The following ANOS1 variants were observed in gnomAD, a reference collection of about 807,000 sequenced individuals.
The protein encoded by ANOS1 is anosmin-1.
ANOS1 carries 6 observed loss-of-function variants against 59.0 expected under a neutral mutation model. The ratio of observed to expected loss-of-function variants is 0.10; its 90% CI spans 0.06 to 0.20. The LOEUF is 0.20. ANOS1 is among the 10% of genes least tolerant of loss of function. The pLI is 1.00. For missense variants in ANOS1, 433 were observed against 542.3 expected (o/e 0.80, Z 2.00); for synonymous variants, 217 against 223.4 (o/e 0.97, Z 0.25).
At chrX:8,652,187 A>C in intron 2 of ANOS1, among the ~76,000 whole-genome samples, 1 of 110,982 alleles carries the variant, frequency 9.0e-6, no homozygotes, top group Admixed American at 9.6e-5. Context: ...GGTCACTAAC[A>C]CCTGGCTTCA....
intron 13 of ANOS1, among the ~76,000 whole-genome samples, chrX:8,534,024 G>C: frequency 9.3e-6 from 1 of 107,626 alleles, no homozygotes; most frequent in Admixed American, 1.0e-4. Flanking sequence ...GAGGGAGGGA[G>C]AGAGGATGGA....
intron 13 of ANOS1, among the ~76,000 whole-genome samples, chrX:8,534,033 G>T (rs1319555599): frequency 1.8e-5 from 2 of 108,201 alleles, no homozygotes; most frequent in Non-Finnish European, 3.8e-5. Flanking sequence ...AGAGAGGATG[G>T]AGAAAGGAAA....
intron 3 of ANOS1, among the ~76,000 whole-genome samples, chrX:8,613,424 C>T (rs184876167): frequency 9.1e-6 from 1 of 110,138 alleles, no homozygotes; most frequent in East Asian, 2.9e-4. Context: ...TGGGGTCTGA[C>T]TTTGTTGTCC....
At chrX:8,555,387 A>T (rs746260317) in intron 8 of ANOS1, among the ~76,000 whole-genome samples, 14 of 111,377 alleles carry the variant, frequency 1.3e-4, no homozygotes, top group African/African-American at 4.6e-4. Flanking sequence ...ATCAGAGGAG[A>T]ACTGAAGGAG....
At chrX:8,587,409 A>C (rs1485346318) in intron 5 of ANOS1, among the ~76,000 whole-genome samples, 2 of 111,856 alleles carry the variant, frequency 1.8e-5, no homozygotes, top group African/African-American at 6.5e-5. Flanking sequence ...TAAATGCAGG[A>C]GAAACAGAAG....
At chrX:8,566,967 A>G (rs1457179882) in intron 8 of ANOS1, among the ~76,000 whole-genome samples, 1 of 111,605 alleles carries the variant, frequency 9.0e-6, no homozygotes, top group Non-Finnish European at 1.9e-5. Flanking sequence ...GTCCTGATCA[A>G]AGGCAGCTAT....
chrX:8,634,636 A>G (rs1931544165), intron 2 of ANOS1, among the ~76,000 whole-genome samples: 1 of 112,146 alleles, frequency 8.9e-6, no homozygotes. Context: ...ATTTAGATGA[A>G]AAGTATATGG....
At chrX:8,551,043 C>A (rs984680411) in intron 9 of ANOS1, among the ~76,000 whole-genome samples, 1 of 111,399 alleles carries the variant, frequency 9.0e-6, no homozygotes. Context: ...CCTGGACATG[C>A]TCTTTTGCCT....
chrX:8,624,929 G>T (rs1447164159), intron 2 of ANOS1, among the ~76,000 whole-genome samples: 1 of 109,620 alleles, frequency 9.1e-6, no homozygotes, highest in Non-Finnish European at 1.9e-5. Context: ...CCGACAAAGT[G>T]AAACCCCGTC....
intron 12 of ANOS1, among the ~76,000 whole-genome samples, chrX:8,534,688 T>C (rs993965095): frequency 9.0e-6 from 1 of 111,543 alleles, no homozygotes; most frequent in African/African-American, 3.3e-5. Flanking sequence ...CCTAAGACAC[T>C]TGGCAGAGTT....
chrX:8,673,166 T>C (rs2146881651), intron 2 of ANOS1, among the ~76,000 whole-genome samples: 1 of 110,996 alleles, frequency 9.0e-6, no homozygotes, highest in Admixed American at 9.7e-5. Flanking sequence ...TTTAACATTG[T>C]TAATGTGTCA....
At chrX:8,679,742 C>T (rs1932391458) in intron 2 of ANOS1, among the ~76,000 whole-genome samples, 1 of 111,035 alleles carries the variant, frequency 9.0e-6, no homozygotes, top group African/African-American at 3.3e-5. Context: ...ATATACTTAA[C>T]ACTACTTAAC....
At chrX:8,724,178 T>C (rs951850774) in intron 1 of ANOS1, among the ~76,000 whole-genome samples, 1 of 112,400 alleles carries the variant, frequency 8.9e-6, no homozygotes, top group African/African-American at 3.2e-5. Flanking sequence ...TTTTTACTTA[T>C]TCTACCTACT....
chrX:8,718,038 G>T (rs1932851721), intron 1 of ANOS1, among the ~76,000 whole-genome samples: 1 of 109,369 alleles, frequency 9.1e-6, no homozygotes, highest in African/African-American at 3.3e-5. Flanking sequence ...CTCCAGCCTG[G>T]GTGACAGAGT....
At chrX:8,590,072 AT>A (rs1277621618) in intron 4 of ANOS1, among the ~76,000 whole-genome samples, 1 of 110,488 alleles carries the variant, frequency 9.1e-6, no homozygotes, top group Non-Finnish European at 1.9e-5. Context: ...CTGTCCCCTT[AT>A]TGGTACTTTG....
intron 9 of ANOS1, among the ~76,000 whole-genome samples, chrX:8,544,650 T>C (rs1056068017): frequency 2.7e-5 from 3 of 111,386 alleles, no homozygotes; most frequent in Non-Finnish European, 5.6e-5. Context: ...ATGCAGTGGC[T>C]CATGCCTTCA....
At chrX:8,610,376 G>T (rs1472700268) in intron 3 of ANOS1, among the ~76,000 whole-genome samples, 1 of 111,774 alleles carries the variant, frequency 8.9e-6, no homozygotes, top group African/African-American at 3.2e-5. Flanking sequence ...AAAATGATTT[G>T]ACGTAGTTTC....
intron 1 of ANOS1, among the ~76,000 whole-genome samples, chrX:8,714,200 G>A (rs567194319): frequency 9.0e-6 from 1 of 111,621 alleles, no homozygotes; most frequent in African/African-American, 3.3e-5. Context: ...ATTTCTTGCT[G>A]GGGATGACTG....
rs1173021674 is a variant in ANOS1, at chrX:8,729,712, TAA to T, written c.207+2116_207+2117del. Among the ~76,000 whole-genome samples the T allele has an allele frequency of 2.1e-4, 13 of 63,066 alleles. 1 individual carries two copies. Among genetic ancestry groups the T allele is most frequent in the African/African-American group, 5.3e-4 (9 of 16,966 alleles). The allele number at this position is 63,066 out of a possible 115,157, so 54.8% of individuals were successfully genotyped here. On this transcript the variant is annotated intron_variant, in intron 1 of 13. Coordinates refer to ENST00000262648, the MANE Select transcript of ANOS1 (RefSeq NM_000216.4). ...CCCGGCCCATCTTCCTTCTAATTAT[TAA>T]AAAAAAAAAAAAAAAAAAAAAAAAA...
Sources: gnomAD v4.1 joint callset for allele counts (sites outside exome capture counted in the v4.1 genomes callset) on GRCh38, gnomAD v4.1.1 for gene constraint, MANE v1.5 for transcripts, NCBI Gene and HGNC (gene_info 2026-07-23, HGNC 2026-07-21) for gene names.